MGST1: variants seen among roughly 807,000 people sequenced by gnomAD.
MGST1 encodes the protein glutathione S-transferase 12.
MGST1 carries 5 observed loss-of-function variants against 8.9 expected under a neutral mutation model. The ratio of observed to expected loss-of-function variants is 0.56; its 90% CI spans 0.29 to 1.19. The LOEUF is 1.19. Ranked by LOEUF, MGST1 falls within the 50% of genes most tolerant of loss-of-function variation. MGST1 has a pLI of 0.08. For synonymous variants in MGST1, 54 were observed against 67.8 expected (o/e 0.80, Z 1.00); for missense variants, 182 against 187.4 (o/e 0.97, Z 0.17).
intron 1 of MGST1, among the ~76,000 whole-genome samples, chr12:16,414,117 T>C (rs1025804278): frequency 6.6e-6 from 1 of 151,878 alleles, no homozygotes; most frequent in Non-Finnish European, 1.5e-5. Context: ...AGAGGTAATA[T>C]TGGTGCTCAG....
chr12:16,426,139 C>T (rs12820765), intron 1 of MGST1, among the ~76,000 whole-genome samples: 40,865 of 152,164 alleles, frequency 0.27, 6,712 homozygotes, highest in Non-Finnish European at 0.36. Context: ...CAAAATGTCT[C>T]ATTGCTACTA....
chr12:16,489,942 A>G (rs770755711), intron 4 of MGST1, among the ~76,000 whole-genome samples: 92 of 152,226 alleles, frequency 6.0e-4, no homozygotes, highest in South Asian at 1.7e-3. Flanking sequence ...AAAAAATGTG[A>G]ATGGGAGTGA....
intron 1 of MGST1, among the ~76,000 whole-genome samples, chr12:16,418,980 G>C (rs1940809499): frequency 6.6e-6 from 1 of 152,046 alleles, no homozygotes; most frequent in African/African-American, 2.4e-5. Flanking sequence ...TAAATTGGAA[G>C]AAGATCATTA....
rs1049409792 is a variant in MGST1 at position 16,361,977 on chromosome 12, T to G, written c.222-1818T>G. ...CTCTGCTTTAACATTCCATTCTATTTGTCAACTGCGTAACACAGGCGTAGA... is the reference window on the plus strand; with the variant it reads ...CTCTGCTTTAACATTCCATTCTATTGGTCAACTGCGTAACACAGGCGTAGA... On this transcript the variant is annotated intron_variant, in intron 3 of 3. Transcript: ENST00000396210. This position sits in a 1 kb window ranked among gnomAD's most constrained non-coding sequence, Gnocchi z 4.2. 4.6e-5 allele frequency among the ~76,000 whole-genome samples: 7 copies of G among 152,170 alleles called. No individual in the cohort carries two copies. Among genetic ancestry groups the G allele is most frequent in the Admixed American group, 2.0e-4 (3 of 15,282 alleles).
chr12:16,520,555 G>A (rs1941642053), intron 4 of MGST1, among the ~76,000 whole-genome samples: 1 of 152,044 alleles, frequency 6.6e-6, no homozygotes, highest in Non-Finnish European at 1.5e-5. Flanking sequence ...GTAAGAATGG[G>A]GAAGATGTGT....
intron 1 of MGST1, among the ~76,000 whole-genome samples, chr12:16,424,424 C>A (rs1002072844): frequency 6.6e-6 from 1 of 152,190 alleles, no homozygotes; most frequent in Non-Finnish European, 1.5e-5. Context: ...AGTCTAAAAT[C>A]TCCTAAATCT....
chr12:16,403,392 T>C lies in MGST1; in HGVS notation n.778+19788T>C, dbSNP rs1940675868. On this transcript the variant is annotated intron_variant and non_coding_transcript_variant, in intron 1 of 1. Coordinates refer to the MGST1 transcript ENST00000359720. ...TGTATGATTTCAAGCCTTTGATGTG[T>C]ATTTAAATTTTCTTTACTGACCATT... Among the ~76,000 whole-genome samples, 2 of 152,112 alleles carry C rather than the reference T, an allele frequency of 1.3e-5. 1 individual carries two copies. Among genetic ancestry groups the C allele is most frequent in the South Asian group, 4.1e-4 (2 of 4,820 alleles).
intron 1 of MGST1, among the ~76,000 whole-genome samples, chr12:16,385,707 T>C (rs1251669812): frequency 2.0e-5 from 3 of 151,832 alleles, no homozygotes; most frequent in Non-Finnish European, 4.4e-5. Flanking sequence ...TTTTTTTTTT[T>C]TCCTCAATCT....
chr12:16,553,180 G>A (rs1942057044), intron 4 of MGST1, among the ~76,000 whole-genome samples: 1 of 152,002 alleles, frequency 6.6e-6, no homozygotes, highest in Non-Finnish European at 1.5e-5. Context: ...CATTGTCATG[G>A]CTTTTTACAG....
chr12:16,421,351 CTTAAAGT>C (rs1162296818), intron 1 of MGST1, among the ~76,000 whole-genome samples: 3 of 152,152 alleles, frequency 2.0e-5, no homozygotes, highest in Non-Finnish European at 4.4e-5. Flanking sequence ...ACAGGCTTAG[CTTAAAGT>C]TTAATCAAAT....
intron 1 of MGST1, among the ~76,000 whole-genome samples, chr12:16,386,706 G>A (rs779433019): frequency 6.6e-6 from 1 of 152,152 alleles, no homozygotes; most frequent in Non-Finnish European, 1.5e-5. Context: ...GGCCCCCTTT[G>A]TCTCAGTTTT....
chr12:16,512,214 A>C (rs185175355), intron 4 of MGST1, among the ~76,000 whole-genome samples: 18 of 152,248 alleles, frequency 1.2e-4, no homozygotes, highest in Admixed American at 1.1e-3. Context: ...GAGAGCACAC[A>C]GGGTGAAGGA....
At chr12:16,540,203 T>G (rs1303388758) in intron 4 of MGST1, among the ~76,000 whole-genome samples, 1 of 152,214 alleles carries the variant, frequency 6.6e-6, no homozygotes, top group Non-Finnish European at 1.5e-5. Flanking sequence ...CTTGGAGCCT[T>G]GATATCTCCT....
chr12:16,553,011 T>C (rs1005055162), intron 4 of MGST1, among the ~76,000 whole-genome samples: 3 of 152,124 alleles, frequency 2.0e-5, no homozygotes, highest in African/African-American at 7.2e-5. Context: ...GTCGACTTTG[T>C]AGGCTTGTGG....
intron 4 of MGST1, among the ~76,000 whole-genome samples, chr12:16,581,475 A>T (rs1189466555): frequency 6.6e-6 from 1 of 152,196 alleles, no homozygotes; most frequent in African/African-American, 2.4e-5. Context: ...AAAATATAAG[A>T]TACATAAAGG....
Position 16,410,921 on chromosome 12 carries a change from T to A in MGST1, n.779-26467T>A, listed in dbSNP as rs1940737421. On this transcript the variant is annotated intron_variant and non_coding_transcript_variant, in intron 1 of 1. Transcript: ENST00000359720. This position sits in a 1 kb window ranked among gnomAD's most constrained non-coding sequence, Gnocchi z 4.4. ...TTGTACCCTGCCAGGCTGGCCTATG[T>A]TCAATGTTTTGTGTACCTCATATTC... Among the ~76,000 whole-genome samples, 1 of 152,094 alleles carries A rather than the reference T, an allele frequency of 6.6e-6. No individual in the cohort carries two copies. The highest frequency in any genetic ancestry group is 1.9e-4 in the East Asian group (1 of 5,192).
rs948427433 is a variant in MGST1, at chr12:16,400,322, T to C, written n.778+16718T>C. On this transcript the variant is annotated intron_variant and non_coding_transcript_variant, in intron 1 of 1. Transcript: ENST00000359720. ...AGCTGGAATGAAGCATGCTTAATAT[T>C]ATTGTACAAAATATCCAGTTTGTCT... 8.7e-6 allele frequency: 7 copies of C among 802,514 alleles called. No homozygotes were observed. The African/African-American group carries it at 1.2e-4, about 14-fold the overall frequency. The allele number at this position is 802,514 out of a possible 1,614,324, so 49.7% of individuals were successfully genotyped here. A position where few individuals can be genotyped will look rare whatever the true frequency, so the allele number is the denominator to read the frequency against.
chr12:16,564,647 A>G (rs151125572), intron 4 of MGST1, among the ~76,000 whole-genome samples: 20 of 152,310 alleles, frequency 1.3e-4, no homozygotes, highest in African/African-American at 4.8e-4. Context: ...CCTCCAAGCT[A>G]TGTAAAGCAT....
intron 4 of MGST1, among the ~76,000 whole-genome samples, chr12:16,509,932 C>G (rs1156234528): frequency 6.6e-6 from 1 of 152,208 alleles, no homozygotes; most frequent in East Asian, 1.9e-4. Context: ...GCCTAGACTT[C>G]AGACAAGCTA....
Sources: allele counts gnomAD v4.1 joint callset (sites outside exome capture counted in the v4.1 genomes callset), GRCh38; gene constraint gnomAD v4.1.1; non-coding constraint Gnocchi (gnomAD v3.1); transcripts MANE v1.5; gene names NCBI Gene and HGNC (gene_info 2026-07-23, HGNC 2026-07-21).